The following FLG2 variants were observed in gnomAD, a reference collection of about 807,000 sequenced individuals.
The protein encoded by FLG2 is filaggrin-2.
FLG2 carries 7 observed loss-of-function variants against 3.9 expected under a neutral mutation model. The ratio of observed to expected loss-of-function variants is 1.79; its 90% CI spans 1.02 to 3.36. The LOEUF (loss-of-function observed/expected upper bound fraction) is 3.36. FLG2 is among the 30% of genes most tolerant of loss of function. The probability of loss-of-function intolerance (pLI) is 0.00; values close to 1 mark genes in which losing one functional copy is unlikely to be tolerated. For missense variants in FLG2, 2,700 were observed against 2,809.4 expected, an observed-to-expected ratio of 0.96 and a Z score of 0.88; for synonymous variants, 1,031 against 1,056.1, an observed-to-expected ratio of 0.98 and a Z score of 0.46.
Position 152,350,374 on chromosome 1 carries a change from C to A in FLG2, c.*236G>T, listed in dbSNP as rs967724184. 1 of 567,998 alleles carries A rather than the reference C, an allele frequency of 1.8e-6. No homozygotes were observed. Among genetic ancestry groups the A allele is most frequent in the Admixed American group, 3.3e-5 (1 of 30,058 alleles). The allele number at this position is 567,998 out of a possible 1,614,324, so 35.2% of individuals were successfully genotyped here. A position where few individuals can be genotyped will look rare whatever the true frequency, so the allele number is the denominator to read the frequency against. ...GTCATTTGACTGGCTATGTGTACAT[C>A]CCTCCCTTCTGGCTGTGTTATATCC... On this transcript the variant is annotated 3_prime_UTR_variant, in exon 3 of 3. Coordinates refer to ENST00000388718, the MANE Select transcript of FLG2 (RefSeq NM_001014342.3).
At position 152,356,145 on chromosome 1, in the gene FLG2, A is replaced by T; in HGVS notation, c.1641T>A (p.Gly547=). The change falls in exon 3 of 3, where the codon GGT becomes GGA. Residue 547 remains glycine (G), a synonymous_variant. Coordinates refer to ENST00000388718, the MANE Select transcript of FLG2 (RefSeq NM_001014342.3). ...RSRQSSYGQH[G]SGSSQSSGYG... is the part of the protein sequence containing the mutation. ...AGCCAGATGATTGACTTGAGCCAGA[A>T]CCATGTTGGCCATAGCTAGACTGAC... 6.2e-7 allele frequency: 1 copy of T among 1,613,542 alleles called. No individual in the cohort carries two copies. The highest frequency in any genetic ancestry group is 8.5e-7 in the Non-Finnish European group (1 of 1,179,938).
rs773093326 is a variant in FLG2 at position 152,352,915 on chromosome 1, A to T, written c.4871T>A (p.Ile1624Lys). 6.3e-7 allele frequency: 1 copy of T among 1,598,344 alleles called. No homozygotes were observed. The highest frequency in any genetic ancestry group is 2.3e-5 in the East Asian group (1 of 44,004). The change falls in exon 3 of 3, where the codon ATA becomes AAA. Residue 1624 changes from isoleucine (I) to lysine (K), a missense_variant. Coordinates refer to ENST00000388718, the MANE Select transcript of FLG2 (RefSeq NM_001014342.3). ...GTGGGAATGTCCAGTGGTATCTCCT[A>T]TCTGTCCATGAGTAGTTCCGTGTCT... ...HERHGTTHGQIGDTTGHSHSG... is the reference protein window; with the variant it reads ...HERHGTTHGQKGDTTGHSHSG...
chr1:152,352,890 G>C lies in FLG2; in HGVS notation c.4896C>G (p.His1632Gln). The C allele has an allele frequency of 6.2e-7, 1 of 1,613,656 alleles. No individual in the cohort carries two copies. The highest frequency in any genetic ancestry group is 1.1e-5 in the South Asian group (1 of 91,050). The change falls in exon 3 of 3, where the codon CAC (histidine) becomes CAG (glutamine). Residue 1632 changes from histidine (H) to glutamine (Q), a missense_variant. Physicochemically the swap from His to Gln is conservative, Grantham distance 24. Transcript: ENST00000388718. ...GQIGDTTGHS[H>Q]SGHGQSTQRG... ...TCTGTGTGGACTGTCCATGACCAGA[G>C]TGGGAATGTCCAGTGGTATCTCCTA...
In FLG2 at chr1:152,351,981, A is replaced by T; in HGVS notation, c.5805T>A (p.Pro1935=). The change falls in exon 3 of 3, where the codon CCT becomes CCA. Residue 1935 remains proline (P), a synonymous_variant. Coordinates refer to ENST00000388718, the MANE Select transcript of FLG2 (RefSeq NM_001014342.3). ...QTGDTTEHGH[P]SHGQTIQTGS... ...CTGTCTGTATGGTTTGTCCATGACT[A>T]GGGTGGCCATGTTCAGTGGTATCTC... 1.2e-6 allele frequency: 2 copies of T among 1,613,370 alleles called. No individual in the cohort carries two copies. The highest frequency in any genetic ancestry group is 2.2e-5 in the East Asian group (1 of 44,786).
Position 152,356,948 on chromosome 1 carries a change from AT to A in FLG2, c.837del (p.Cys280ValfsTer157). ...GSGDSGRRSH[A>X]CGYSNSSGCG... ...CACCCACTTGAATTGCTATAACCAC[AT>A]GCATGACTTCGCCTCCCACTGTCTC... On this transcript the variant is annotated frameshift_variant, in exon 3 of 3. Coordinates refer to ENST00000388718, the MANE Select transcript of FLG2 (RefSeq NM_001014342.3). LOFTEE classifies it low-confidence loss of function (END_TRUNC). 1 of 1,614,192 alleles carries A rather than the reference AT, an allele frequency of 6.2e-7. No individual in the cohort carries two copies. The highest frequency in any genetic ancestry group is 8.5e-7 in the Non-Finnish European group (1 of 1,180,026).
Position 152,351,881 on chromosome 1 carries a change from G to A in FLG2, c.5905C>T (p.His1969Tyr), listed in dbSNP as rs376795828. 4 of 1,613,560 alleles carry A rather than the reference G, an allele frequency of 2.5e-6. No individual in the cohort carries two copies. The highest frequency in any genetic ancestry group is 3.4e-6 in the Non-Finnish European group (4 of 1,179,864). The change falls in exon 3 of 3, where the codon CAC becomes TAC. Residue 1969 changes from histidine to tyrosine, a missense_variant. Physicochemically the swap from His to Tyr is moderately conservative, Grantham distance 83. Transcript: ENST00000388718. ...SDSEGPSGVS[H>Y]THSGHTHGQA... is the part of the protein sequence containing the mutation. ...CCGTGAGTGTGTCCTGAATGTGTGT[G>A]TGAGACCCCTGAGGGCCCTTCACTG...
rs1557899172 is a variant in FLG2 at position 152,355,734 on chromosome 1, A to C, written c.2052T>G (p.His684Gln). The C allele has an allele frequency of 3.1e-6, 5 of 1,613,750 alleles. No homozygotes were observed. The highest frequency in any genetic ancestry group is 3.4e-6 in the Non-Finnish European group (4 of 1,180,012). ...GSGQSSGFGQ[H>Q]ESRSGHSSYG... Reference sequence around the variant, plus strand: ...AGCTAGAATGACCTGATCTAGACTCATGTTGTCCAAAACCAGAGGATTGTC... The same window carrying C: ...AGCTAGAATGACCTGATCTAGACTCCTGTTGTCCAAAACCAGAGGATTGTC... The change falls in exon 3 of 3, where the codon CAT becomes CAG. Residue 684 changes from histidine to glutamine, a missense_variant. Physicochemically the swap from His to Gln is conservative, Grantham distance 24. Coordinates refer to ENST00000388718, the MANE Select transcript of FLG2 (RefSeq NM_001014342.3).
chr1:152,353,174 C>T lies in FLG2; in HGVS notation c.4612G>A (p.Asp1538Asn), dbSNP rs759510456. The change falls in exon 3 of 3, where the codon GAC (aspartate) becomes AAC (asparagine). Residue 1538 changes from aspartate (D) to asparagine (N), a missense_variant. By Grantham distance (23) the Asp-to-Asn change is conservative. Transcript: ENST00000388718. ...TGTCCATGAGTAATTCTGTGTCTGT[C>T]ATGAATTATGGATTCTGACTCTCCA... The part of the protein sequence containing the change: ...QHGESESIIH[D>N]RHRITHGQTG... 6.2e-7 allele frequency: 1 copy of T among 1,613,706 alleles called. No individual in the cohort carries two copies. The highest frequency in any genetic ancestry group is 1.1e-5 in the South Asian group (1 of 91,046).
At position 152,351,072 on chromosome 1, in the gene FLG2, T is replaced by C. The variant is rs1284567290; in HGVS notation, c.6714A>G (p.Gly2238=). The stretch of plus-strand genomic sequence containing the variant: ...TCCTGGACCCTCTCTGTGTGGATTG[T>C]CCATAACCATAGTGGGCATGTCTAG... ...DTTRHAHYGY[G]QSTQRGSRTT... The change falls in exon 3 of 3, where the codon GGA becomes GGG. Residue 2238 remains glycine (G), a synonymous_variant. Transcript: ENST00000388718. 1 of 1,613,644 alleles carries C rather than the reference T, an allele frequency of 6.2e-7. No individual in the cohort carries two copies. The highest frequency in any genetic ancestry group is 1.1e-5 in the South Asian group (1 of 91,032).
At position 152,349,569 on chromosome 1, in the gene FLG2, C is replaced by T. The variant is rs375646543; in HGVS notation, c.*1041G>A. ...ATGAAAGAACAGACATATACCCTTACTACCAAAAGAGGAGATCATGTTAAA... is the reference window on the plus strand; with the variant it reads ...ATGAAAGAACAGACATATACCCTTATTACCAAAAGAGGAGATCATGTTAAA... On this transcript the variant is annotated 3_prime_UTR_variant, in exon 3 of 3. Coordinates refer to ENST00000388718, the MANE Select transcript of FLG2 (RefSeq NM_001014342.3). 3 of 152,682 alleles carry T rather than the reference C, an allele frequency of 2.0e-5. No individual in the cohort carries two copies. The highest frequency in any genetic ancestry group is 7.2e-5 in the African/African-American group (3 of 41,474). 9.5% of individuals were successfully genotyped at this position (152,682 alleles called of 1,614,324 possible).
Position 152,353,924 on chromosome 1 carries a change from G to A in FLG2, c.3862C>T (p.His1288Tyr). The A allele has an allele frequency of 6.2e-7, 1 of 1,614,084 alleles. No individual in the cohort carries two copies. Among genetic ancestry groups the A allele is most frequent in the Non-Finnish European group, 8.5e-7 (1 of 1,179,976 alleles). The change falls in exon 3 of 3, where the codon CAT becomes TAT. Residue 1288 changes from histidine to tyrosine, a missense_variant. Physicochemically the swap from His to Tyr is moderately conservative, Grantham distance 83. Coordinates refer to ENST00000388718, the MANE Select transcript of FLG2 (RefSeq NM_001014342.3). ...GCTTGTGTGTGAATGTGTTCTGAAT[G>A]TCTGTGTGAGACCTTTGAGTGCACT... Reference protein sequence around the residue: ...SEVHSKVSHRHSEHIHTQAGS... With the variant: ...SEVHSKVSHRYSEHIHTQAGS...
Position 152,352,165 on chromosome 1 carries a change from C to T in FLG2, c.5621G>A (p.Gly1874Glu), listed in dbSNP as rs763677957. 2.6e-5 allele frequency: 42 copies of T among 1,613,838 alleles called. 2 individuals are homozygous for T. Among genetic ancestry groups the T allele is most frequent in the Middle Eastern group, 1.7e-4 (1 of 6,058 alleles). ...CTCACTGTGGCCAGATCTCCTTCTTCCAGTTGTACTGGATCCTGACTGTGT... is the reference window on the plus strand; with the variant it reads ...CTCACTGTGGCCAGATCTCCTTCTTTCAGTTGTACTGGATCCTGACTGTGT... ...QSTQSGSSTT[G>E]RRRSGHSESS... Residue 1874 changes from glycine (G) to glutamate (E), a missense_variant, in exon 3 of 3, where the codon GGA becomes GAA. Gly to Glu is a moderately conservative substitution (Grantham distance 98, BLOSUM62 -2). Coordinates refer to ENST00000388718, the MANE Select transcript of FLG2 (RefSeq NM_001014342.3).
intron 1 of FLG2, among the ~76,000 whole-genome samples, chr1:152,359,413 G>C (rs1189590244): frequency 2.0e-5 from 3 of 152,208 alleles, no homozygotes; most frequent in African/African-American, 7.2e-5. Context: ...AATGGGCAAA[G>C]GGGCTCAAAA....
Position 152,355,702 on chromosome 1 carries a change from T to A in FLG2, c.2084A>T (p.Gln695Leu), listed in dbSNP as rs149417870. 33 of 1,613,984 alleles carry A rather than the reference T, an allele frequency of 2.0e-5. No homozygotes were observed. The African/African-American group carries it at 4.3e-4, about 21-fold the overall frequency. Residue 695 changes from glutamine (Q) to leucine (L), a missense_variant, in exon 3 of 3, where the codon CAA (glutamine) becomes CTA (leucine). Coordinates refer to ENST00000388718, the MANE Select transcript of FLG2 (RefSeq NM_001014342.3). ...ESRSGHSSYG[Q>L]HGFGSSQSSG... ...TGATTGACTTGAGCCAAAACCATGTTGGCCATAGCTAGAATGACCTGATCT... is the reference window on the plus strand; with the variant it reads ...TGATTGACTTGAGCCAAAACCATGTAGGCCATAGCTAGAATGACCTGATCT...
rs1441475260 is a variant in FLG2, at chr1:152,354,149, CT to C, written c.3636del (p.Gly1213ValfsTer14). ...STGFGQYGSG[S>X]GQSTGLGQGE... Reference sequence around the variant, plus strand: ...CCCTGGCCCAAGCCAGTTGATTGACCTGAGCCTGAACCATATTGGCCAAATC... The same window carrying C: ...CCCTGGCCCAAGCCAGTTGATTGACCGAGCCTGAACCATATTGGCCAAATC... On this transcript the variant is annotated frameshift_variant, in exon 3 of 3. Coordinates refer to ENST00000388718, the MANE Select transcript of FLG2 (RefSeq NM_001014342.3). LOFTEE classifies it low-confidence loss of function (END_TRUNC). 3 of 1,614,146 alleles carry C rather than the reference CT, an allele frequency of 1.9e-6. No homozygotes were observed. The highest frequency in any genetic ancestry group is 2.5e-6 in the Non-Finnish European group (3 of 1,180,060).
At position 152,357,476 on chromosome 1, in the gene FLG2, G is replaced by A. The variant is rs150377881; in HGVS notation, c.310C>T (p.Arg104Cys). The stretch of plus-strand genomic sequence containing the variant: ...TCTTCTTCTTGGTGTCGGTGACCAC[G>A]CCTATGCTTCTTTGACCCTGAAGCT... ...CKASGSKKHR[R>C]GHRHQEEESE... The change falls in exon 3 of 3, where the codon CGT becomes TGT. Residue 104 changes from arginine to cysteine, a missense_variant. Arg to Cys is a radical substitution (Grantham distance 180). Transcript: ENST00000388718. The A allele has an allele frequency of 5.8e-4, 944 of 1,613,996 alleles. 5 individuals are homozygous for A. The African/African-American group carries it at 0.011, about 19-fold the overall frequency.
rs1654288315 is a variant in FLG2, at chr1:152,357,454, T to C, written c.332A>G (p.Glu111Gly). The C allele has an allele frequency of 5.6e-6, 9 of 1,614,208 alleles. No homozygotes were observed. The highest frequency in any genetic ancestry group is 7.6e-6 in the Non-Finnish European group (9 of 1,180,038). ...KHRRGHRHQE[E>G]ESETEEDEED... ...TTCATCCTCTTCTGTTTCACTTTCT[T>C]CTTCTTGGTGTCGGTGACCACGCCT... Residue 111 changes from glutamate to glycine, a missense_variant, in exon 3 of 3, where the codon GAA (glutamate) becomes GGA (glycine). Transcript: ENST00000388718.
Position 152,353,928 on chromosome 1 carries a change from G to C in FLG2, c.3858C>G (p.His1286Gln). Reference protein sequence around the residue: ...SDSEVHSKVSHRHSEHIHTQA... With the variant: ...SDSEVHSKVSQRHSEHIHTQA... Reference sequence around the variant, plus strand: ...GTGTGTGAATGTGTTCTGAATGTCTGTGTGAGACCTTTGAGTGCACTTCAC... The same window carrying C: ...GTGTGTGAATGTGTTCTGAATGTCTCTGTGAGACCTTTGAGTGCACTTCAC... The change falls in exon 3 of 3, where the codon CAC (histidine) becomes CAG (glutamine). Residue 1286 changes from histidine (H) to glutamine (Q), a missense_variant. Transcript: ENST00000388718. 6.2e-7 allele frequency: 1 copy of C among 1,614,026 alleles called. No homozygotes were observed. Among genetic ancestry groups the C allele is most frequent in the Non-Finnish European group, 8.5e-7 (1 of 1,179,964 alleles).
rs752452050 is a variant in FLG2 at position 152,352,086 on chromosome 1, T to C, written c.5700A>G (p.Thr1900=). The C allele has an allele frequency of 6.2e-7, 1 of 1,606,122 alleles. No homozygotes were observed. The highest frequency in any genetic ancestry group is 1.7e-5 in the Admixed American group (1 of 59,344). ...SGGSHTHSGH[T]HSQARSQHGE... is the part of the protein sequence containing the mutation. ...CATGTTGAGACCTGGCTTGGCTGTG[T>C]GTGTGTCCTGAATGTGTATGTGAGC... Residue 1900 remains threonine, a synonymous_variant, in exon 3 of 3, where the codon ACA becomes ACG. Transcript: ENST00000388718.
Sources: gnomAD v4.1 joint callset for allele counts (sites outside exome capture counted in the v4.1 genomes callset) on GRCh38, gnomAD v4.1.1 for gene constraint, MANE v1.5 for transcripts, NCBI Gene and HGNC (gene_info 2026-07-23, HGNC 2026-07-21) for gene names.